SMYD3: variants seen among roughly 807,000 people sequenced by gnomAD.
The protein encoded by SMYD3 is SET and MYND domain containing 3.
A neutral mutation model predicts 57.7 loss-of-function variants in SMYD3; 36 were observed. The observed-to-expected ratio is 0.62, with a 90% CI of 0.48 to 0.82. The LOEUF is 0.82. Among genes scored for constraint, SMYD3 ranks in the 40% least tolerant of loss-of-function variants. The pLI is 0.00. For missense variants in SMYD3, 515 were observed against 538.8 expected (o/e 0.96, Z 0.44); for synonymous variants, 211 against 195.0 (o/e 1.08, Z -0.68).
intron 5 of SMYD3, among the ~76,000 whole-genome samples, chr1:246,124,010 C>T (rs1444875901): frequency 6.6e-6 from 1 of 152,202 alleles, no homozygotes; most frequent in Non-Finnish European, 1.5e-5. Context: ...ATTTTAAAAT[C>T]TCTCCATTTA....
chr1:245,895,638 A>G (rs1179737278), intron 8 of SMYD3, among the ~76,000 whole-genome samples: 5 of 152,150 alleles, frequency 3.3e-5, no homozygotes, highest in Non-Finnish European at 1.5e-5. Flanking sequence ...ACATTCTTTC[A>G]TTTCTTCTTC....
At chr1:246,310,506 C>T (rs1194102852) in intron 5 of SMYD3, among the ~76,000 whole-genome samples, 1 of 152,096 alleles carries the variant, frequency 6.6e-6, no homozygotes, top group African/African-American at 2.4e-5. Context: ...CCATTCCTGT[C>T]CTAATGGACA....
intron 5 of SMYD3, among the ~76,000 whole-genome samples, chr1:246,269,546 T>C (rs1311496765): frequency 6.6e-6 from 1 of 150,898 alleles, no homozygotes; most frequent in Non-Finnish European, 1.5e-5. Flanking sequence ...TTTTTTTCTT[T>C]TTTTTTTTTG....
chr1:245,835,911 T>G (rs557805358), intron 10 of SMYD3, among the ~76,000 whole-genome samples: 1 of 152,174 alleles, frequency 6.6e-6, no homozygotes, highest in African/African-American at 2.4e-5. Flanking sequence ...GCGTTAACAG[T>G]GCCTGTGGGC....
chr1:245,760,263 A>T (rs762022806), intron 11 of SMYD3, among the ~76,000 whole-genome samples: 4 of 152,170 alleles, frequency 2.6e-5, no homozygotes, highest in Non-Finnish European at 5.9e-5. Flanking sequence ...ATTTCATTCC[A>T]TTATTTCCAG....
chr1:246,393,110 C>T lies in SMYD3; in HGVS notation c.165-38016G>A, dbSNP rs901773183. Among the ~76,000 whole-genome samples the T allele has an allele frequency of 2.6e-5, 4 of 152,124 alleles. No individual in the cohort carries two copies. The South Asian group carries it at 6.2e-4, about 24-fold the overall frequency. ...GTTAAATACTGAGTAATTATACAAT[C>T]CATATAATGAGTACAAGTTTTATTT... On this transcript the variant is annotated intron_variant, in intron 1 of 11. Transcript: ENST00000490107.
At chr1:246,091,713 T>TC (rs1463454071) in intron 5 of SMYD3, among the ~76,000 whole-genome samples, 5 of 152,274 alleles carry the variant, frequency 3.3e-5, no homozygotes, top group African/African-American at 1.2e-4. Flanking sequence ...TCCTAGTAGT[T>TC]CTTGGAAATA....
intron 5 of SMYD3, among the ~76,000 whole-genome samples, chr1:246,123,467 T>G (rs974515095): frequency 1.3e-5 from 2 of 151,946 alleles, no homozygotes; most frequent in Admixed American, 6.6e-5. Context: ...CTCGGGCAGC[T>G]GAGGCAGGAG....
chr1:246,018,079 G>A (rs939684254), intron 5 of SMYD3, among the ~76,000 whole-genome samples: 2 of 152,086 alleles, frequency 1.3e-5, no homozygotes, highest in Non-Finnish European at 2.9e-5. Flanking sequence ...CAAAGTCCCA[G>A]ACTAGGTGTG....
At chr1:246,284,239 G>C (rs1020445807) in intron 5 of SMYD3, among the ~76,000 whole-genome samples, 7 of 152,092 alleles carry the variant, frequency 4.6e-5, no homozygotes, top group African/African-American at 1.7e-4. Flanking sequence ...TCTAGCATCT[G>C]GTAATGTGTT....
intron 5 of SMYD3, among the ~76,000 whole-genome samples, chr1:245,949,270 T>C (rs754487904): frequency 4.6e-5 from 7 of 152,052 alleles, no homozygotes; most frequent in East Asian, 1.9e-4. Flanking sequence ...TGGATGCCAG[T>C]GTACACAGCC....
chr1:245,805,857 CATT>C (rs1379497726), intron 10 of SMYD3, among the ~76,000 whole-genome samples: 1 of 152,202 alleles, frequency 6.6e-6, no homozygotes. Flanking sequence ...GGCTTGGGCA[CATT>C]ATTTGAAGAA....
chr1:246,146,496 T>C (rs2061844714), intron 5 of SMYD3, among the ~76,000 whole-genome samples: 1 of 152,146 alleles, frequency 6.6e-6, no homozygotes, highest in Non-Finnish European at 1.5e-5. Context: ...CACCCATCCT[T>C]CCTTCAGCAG....
intron 5 of SMYD3, among the ~76,000 whole-genome samples, chr1:246,235,997 G>GTAAA (rs1553316673): frequency 6.6e-6 from 1 of 152,108 alleles, no homozygotes; most frequent in Non-Finnish European, 1.5e-5. Context: ...ACTCTACAGA[G>GTAAA]TAAAGACTTA....
At chr1:245,922,342 G>C (rs2056033406) in intron 7 of SMYD3, among the ~76,000 whole-genome samples, 1 of 152,182 alleles carries the variant, frequency 6.6e-6, no homozygotes, top group Admixed American at 6.5e-5. Flanking sequence ...AGAGGAGCAT[G>C]TATTAGAACA....
chr1:245,783,112 G>A (rs2046898582), intron 10 of SMYD3, among the ~76,000 whole-genome samples: 1 of 152,212 alleles, frequency 6.6e-6, no homozygotes, highest in Non-Finnish European at 1.5e-5. Context: ...ATGCAGGGTA[G>A]AGAGTGGAGA....
intron 5 of SMYD3, among the ~76,000 whole-genome samples, chr1:246,185,335 C>T (rs1220216337): frequency 1.3e-5 from 2 of 151,860 alleles, no homozygotes; most frequent in Admixed American, 6.6e-5. Context: ...CTCCCGGGTT[C>T]AAGCGATTCT....
chr1:246,191,015 T>C (rs1463027722), intron 5 of SMYD3, among the ~76,000 whole-genome samples: 1 of 152,152 alleles, frequency 6.6e-6, no homozygotes, highest in Non-Finnish European at 1.5e-5. Flanking sequence ...AAGACACTAG[T>C]CCACATGCTC....
At position 245,940,594 on chromosome 1, in the gene SMYD3, A is replaced by C. The variant is rs150933990; in HGVS notation, c.532-10657T>G. Among the ~76,000 whole-genome samples, 1,269 of 152,238 alleles carry C rather than the reference A, an allele frequency of 8.3e-3. 20 individuals carry two copies. Among genetic ancestry groups the C allele is most frequent in the African/African-American group, 0.029 (1,184 of 41,526 alleles). On this transcript the variant is annotated intron_variant, in intron 5 of 11. Coordinates refer to ENST00000490107, the MANE Select transcript of SMYD3 (RefSeq NM_001167740.2). The stretch of plus-strand genomic sequence containing the variant: ...ACAAAACAAAACAAAACAAAAAAAA[A>C]CAGAAAGCACCACTACCACCGACAT...
Sources: allele counts gnomAD v4.1 joint callset (sites outside exome capture counted in the v4.1 genomes callset), GRCh38; gene constraint gnomAD v4.1.1; transcripts MANE v1.5; gene names NCBI Gene and HGNC (gene_info 2026-07-23, HGNC 2026-07-21).